The following GTF2I variants were observed in gnomAD, a reference collection of about 807,000 sequenced individuals.
GTF2I encodes the protein general transcription factor IIi.
In GTF2I, 12 loss-of-function variants were observed where a neutral mutation model predicts 67.6. The observed-to-expected ratio is 0.18, with a 90% CI of 0.11 to 0.29. The LOEUF (loss-of-function observed/expected upper bound fraction) is 0.29. GTF2I is among the 10% of genes least tolerant of loss of function. The pLI, the probability that GTF2I is intolerant of heterozygous loss-of-function variation, is 1.00. For synonymous variants in GTF2I, 149 were observed against 197.0 expected, an observed-to-expected ratio of 0.76 and a Z score of 2.04; for missense variants, 271 against 580.1, an observed-to-expected ratio of 0.47 and a Z score of 5.47.
chr7:74,682,187 G>T (rs190490305), intron 1 of GTF2I, among the ~76,000 whole-genome samples: 96 of 152,250 alleles, frequency 6.3e-4, no homozygotes, highest in African/African-American at 2.2e-3. Flanking sequence ...TGGTAACCTC[G>T]CAATCTAAAG....
Position 74,690,339 on chromosome 7 carries a change from G to T in GTF2I, c.100-634G>T, listed in dbSNP as rs368926125. Among the ~76,000 whole-genome samples, 30 of 152,174 alleles carry T rather than the reference G, an allele frequency of 2.0e-4. No homozygotes were observed. In the East Asian group the frequency reaches 2.7e-3, roughly 14 times the overall value. On this transcript the variant is annotated intron_variant, in intron 2 of 34. Coordinates refer to ENST00000573035, the MANE Select transcript of GTF2I (RefSeq NM_032999.4). ...TAATGTTATCAGTAAATCATTCAAG[G>T]TATATTCATTAAATGGAATACTATA...
intron 1 of GTF2I, among the ~76,000 whole-genome samples, chr7:74,663,916 G>A (rs1379656582): frequency 2.6e-5 from 4 of 151,982 alleles, no homozygotes; most frequent in African/African-American, 9.7e-5. Flanking sequence ...TGCAACCTTC[G>A]CCTCCTGGGT....
chr7:74,696,838 A>C (rs1449834819), intron 3 of GTF2I, among the ~76,000 whole-genome samples: 2 of 152,104 alleles, frequency 1.3e-5, no homozygotes, highest in East Asian at 3.9e-4. Flanking sequence ...AGTACTTTGC[A>C]GATAAGGAGC....
chr7:74,674,362 A>G (rs934211427), intron 1 of GTF2I, among the ~76,000 whole-genome samples: 7 of 152,164 alleles, frequency 4.6e-5, no homozygotes, highest in African/African-American at 1.7e-4. Flanking sequence ...CACGGCGCCC[A>G]GTCTGAGTCA....
intron 3 of GTF2I, among the ~76,000 whole-genome samples, chr7:74,698,234 C>G (rs1395870016): frequency 6.6e-6 from 1 of 151,724 alleles, no homozygotes; most frequent in Non-Finnish European, 1.5e-5. Context: ...GGATTACAGG[C>G]GTGAGCCACC....
chr7:74,730,713 C>CTTTTTTTTTTTT lies in GTF2I; in HGVS notation c.1120+435_1120+446dup, dbSNP rs869183139. On this transcript the variant is annotated intron_variant, in intron 14 of 34. Coordinates refer to ENST00000573035, the MANE Select transcript of GTF2I (RefSeq NM_032999.4). Reference sequence around the variant, plus strand: ...ATCCCCCTATTGTCTCTACTTTTATCTTTTTTTTTTTTTTTTTTTTTTTTT... The same window carrying CTTTTTTTTTTTT: ...ATCCCCCTATTGTCTCTACTTTTATCTTTTTTTTTTTTTTTTTTTTTTTTTTTTTTTTTTTTT... Among the ~76,000 whole-genome samples, 54 of 63,920 alleles carry CTTTTTTTTTTTT rather than the reference C, an allele frequency of 8.4e-4. 8 individuals carry two copies. The highest frequency in any genetic ancestry group is 1.5e-3 in the Admixed American group (6 of 3,932). The allele number at this position is 63,920 out of a possible 152,430, so 41.9% of individuals were successfully genotyped here.
chr7:74,687,305 A>G (rs1274176828), intron 1 of GTF2I, among the ~76,000 whole-genome samples: 1 of 151,694 alleles, frequency 6.6e-6, no homozygotes, highest in Non-Finnish European at 1.5e-5. Flanking sequence ...GCTCACTGCA[A>G]CCTCCGCCTC....
intron 11 of GTF2I, among the ~76,000 whole-genome samples, chr7:74,718,247 A>T (rs782421537): frequency 2.0e-5 from 3 of 152,222 alleles, no homozygotes; most frequent in Non-Finnish European, 4.4e-5. Context: ...CAAATCAATT[A>T]ATCTCTCAAC....
At chr7:74,667,301 C>G (rs117292797) in intron 1 of GTF2I, among the ~76,000 whole-genome samples, 1 of 152,004 alleles carries the variant, frequency 6.6e-6, no homozygotes, top group Non-Finnish European at 1.5e-5. Flanking sequence ...CGAGATCTTG[C>G]CACTGCTCTC....
In GTF2I at chr7:74,718,897, C is replaced by A. The variant is rs781952004; in HGVS notation, c.899C>A (p.Pro300His). ...TTTCAAGATTCTACTCAACATGTCC[C>A]TTCAGAAACAAGTGAGGACCCTGAA... ...VPAEDSTQHV[P>H]SETSEDPEVE... Residue 300 changes from proline (P) to histidine (H), a missense_variant, in exon 12 of 35, where the codon CCT (proline) becomes CAT (histidine). Pro to His is a moderately conservative substitution (Grantham distance 77). This residue lies in a region of GTF2I where 124 missense variants were observed against 147.0 expected (regional missense o/e 0.84). Transcript: ENST00000573035. The A allele has an allele frequency of 1.9e-6, 3 of 1,561,152 alleles. 1 individual carries two copies. In the South Asian group the frequency reaches 3.5e-5, roughly 18 times the overall value.
chr7:74,662,950 CA>C (rs1163485274), intron 1 of GTF2I, among the ~76,000 whole-genome samples: 7 of 152,140 alleles, frequency 4.6e-5, no homozygotes, highest in African/African-American at 1.7e-4. Context: ...ACACACTCCT[CA>C]GGGGATCCCA....
intron 1 of GTF2I, among the ~76,000 whole-genome samples, chr7:74,681,611 A>G (rs587738522): frequency 9.9e-5 from 15 of 152,144 alleles, no homozygotes; most frequent in Non-Finnish European, 1.8e-4. Context: ...CAGATCTTTT[A>G]CACAAAATGT....
At chr7:74,688,905 C>T in intron 1 of GTF2I, 2 of 469,130 alleles carry the variant, frequency 4.3e-6, no homozygotes, top group Non-Finnish European at 7.6e-6. Flanking sequence ...TGATATTGAC[C>T]CAATTTTCTG....
At chr7:74,681,085 CAG>C (rs1309181744) in intron 1 of GTF2I, among the ~76,000 whole-genome samples, 2 of 152,088 alleles carry the variant, frequency 1.3e-5, no homozygotes, top group African/African-American at 4.8e-5. Context: ...AAAATCAAAT[CAG>C]GGAAACGAAA....
chr7:74,673,101 C>T (rs1482129113), intron 1 of GTF2I, among the ~76,000 whole-genome samples: 1 of 152,150 alleles, frequency 6.6e-6, no homozygotes, highest in African/African-American at 2.4e-5. Flanking sequence ...ACCTCATGAT[C>T]TGCCCGCCTT....
intron 1 of GTF2I, among the ~76,000 whole-genome samples, chr7:74,664,836 C>T (rs981855983): frequency 6.6e-6 from 1 of 152,106 alleles, no homozygotes; most frequent in Non-Finnish European, 1.5e-5. Flanking sequence ...TTATGGCTAG[C>T]GACACAAGTT....
chr7:74,676,917 G>A (rs2131239639), intron 1 of GTF2I, among the ~76,000 whole-genome samples: 1 of 152,164 alleles, frequency 6.6e-6, no homozygotes, highest in East Asian at 1.9e-4. Flanking sequence ...AAGCTAGCTG[G>A]GTGTGGTGTC....
At chr7:74,696,593 C>T (rs916787029) in intron 3 of GTF2I, among the ~76,000 whole-genome samples, 1 of 151,770 alleles carries the variant, frequency 6.6e-6, no homozygotes, top group African/African-American at 2.4e-5. Flanking sequence ...CCCGGGTTCA[C>T]GCCATTCTTC....
chr7:74,679,818 C>T (rs181894878), intron 1 of GTF2I, among the ~76,000 whole-genome samples: 78 of 152,112 alleles, frequency 5.1e-4, no homozygotes, highest in Admixed American at 1.4e-3. Flanking sequence ...CAGTGGCTCT[C>T]GCCTGTAATC....
Sources: gnomAD v4.1 joint callset for allele counts (sites outside exome capture counted in the v4.1 genomes callset) on GRCh38, gnomAD v4.1.1 for gene constraint, gnomAD v4.1.1 regional missense constraint, MANE v1.5 for transcripts, NCBI Gene and HGNC (gene_info 2026-07-23, HGNC 2026-07-21) for gene names.